The following SNRPN variants were observed in gnomAD, a reference collection of about 807,000 sequenced individuals.
The protein encoded by SNRPN is small nuclear ribonucleoprotein-associated protein N.
A neutral mutation model predicts 25.2 loss-of-function variants in SNRPN; 7 were observed. That is an observed-to-expected ratio of 0.28 (90% confidence interval 0.16 to 0.52). The LOEUF (loss-of-function observed/expected upper bound fraction) is 0.52, where lower values mean the gene tolerates loss of function less well. SNRPN is among the 20% of genes least tolerant of loss of function. SNRPN has a pLI of 0.96. For synonymous variants in SNRPN, 124 were observed against 110.6 expected, an observed-to-expected ratio of 1.12 and a Z score of -0.76; for missense variants, 196 against 322.5, an observed-to-expected ratio of 0.61 and a Z score of 3.00.
intron 3 of SNRPN, among the ~76,000 whole-genome samples, chr15:24,928,441 C>T (rs1375468516): frequency 1.3e-5 from 2 of 152,082 alleles, no homozygotes; most frequent in East Asian, 3.9e-4. Flanking sequence ...ATGGATGGAA[C>T]TGGAGGACAT....
At chr15:24,843,080 TG>T (rs1219639243) in intron 2 of SNRPN, among the ~76,000 whole-genome samples, 10 of 152,056 alleles carry the variant, frequency 6.6e-5, no homozygotes, top group Non-Finnish European at 8.8e-5. Flanking sequence ...CAATTGTTTA[TG>T]TTTTTTTTTA....
intron 2 of SNRPN, chr15:24,848,687 G>A (rs796341115): frequency 1.3e-5 from 2 of 152,100 alleles, no homozygotes; most frequent in African/African-American, 4.8e-5. Flanking sequence ...TTATCGTTTT[G>A]TAAATATCGG....
upstream of SNRPN, among the ~76,000 whole-genome samples, chr15:24,954,551 G>T (rs181918002): frequency 1.3e-5 from 2 of 152,290 alleles, no homozygotes; most frequent in Admixed American, 1.3e-4. Context: ...TCTTTTGGAA[G>T]GATTTCAAGT....
intron 1 of SNRPN, among the ~76,000 whole-genome samples, chr15:24,866,015 A>G (rs556724796): frequency 6.6e-6 from 1 of 152,192 alleles, no homozygotes; most frequent in East Asian, 1.9e-4. Context: ...TCCTGTTTTA[A>G]CGGTTTCTGC....
At chr15:24,941,877 T>A (rs1180056352) in intron 3 of SNRPN, among the ~76,000 whole-genome samples, 1 of 152,060 alleles carries the variant, frequency 6.6e-6, no homozygotes, top group Non-Finnish European at 1.5e-5. Context: ...TGCCCGGGGT[T>A]CAAACAATTC....
intron 2 of SNRPN, among the ~76,000 whole-genome samples, chr15:24,840,609 A>T (rs2143003129): frequency 6.6e-6 from 1 of 152,286 alleles, no homozygotes; most frequent in South Asian, 2.1e-4. Context: ...GTGTGGCTTT[A>T]TTGGTTACCT....
Position 24,912,854 on chromosome 15 carries a change from T to C in SNRPN, c.-504-7157T>C, listed in dbSNP as rs540565839. 3.9e-5 allele frequency among the ~76,000 whole-genome samples: 6 copies of C among 152,310 alleles called. No homozygotes were observed. In the South Asian group the frequency reaches 8.3e-4, roughly 21 times the overall value. On this transcript the variant is annotated intron_variant, in intron 2 of 11. Transcript: ENST00000400097. ...GACAGCAGCCCCGTTTAGACCTCCT[T>C]CTGCTGCTTTGATCTTGGACCTCTC...
chr15:24,958,507 T>G (rs1369282208), intron 1 of SNRPN, among the ~76,000 whole-genome samples: 1 of 139,108 alleles, frequency 7.2e-6, no homozygotes, highest in African/African-American at 2.7e-5. Flanking sequence ...TTTTTTTTTT[T>G]TTTTTTTTTT....
At chr15:24,861,959 T>C (rs1305424031) in intron 1 of SNRPN, among the ~76,000 whole-genome samples, 1 of 151,488 alleles carries the variant, frequency 6.6e-6, no homozygotes, top group African/African-American at 2.5e-5. Flanking sequence ...GGAAGACTGA[T>C]GGCAATAAAA....
chr15:24,896,293 G>T (rs939822043), intron 2 of SNRPN, among the ~76,000 whole-genome samples: 2 of 152,112 alleles, frequency 1.3e-5, no homozygotes, highest in African/African-American at 2.4e-5. Flanking sequence ...CCTTTCCTTG[G>T]GTGTGGGAAG....
At chr15:24,969,440 T>C (rs150374326) in intron 3 of SNRPN, among the ~76,000 whole-genome samples, 102 of 152,340 alleles carry the variant, frequency 6.7e-4, no homozygotes, top group African/African-American at 2.3e-3. Flanking sequence ...ATTTTGAGTT[T>C]AAATCAAAGG....
At chr15:24,857,030 C>G (rs2053466911) in intron 1 of SNRPN, among the ~76,000 whole-genome samples, 1 of 152,128 alleles carries the variant, frequency 6.6e-6, no homozygotes, top group African/African-American at 2.4e-5. Flanking sequence ...TGAAACATCT[C>G]TGGTTGAAAA....
chr15:24,933,624 A>T (rs1027815941), intron 3 of SNRPN, among the ~76,000 whole-genome samples: 1 of 152,288 alleles, frequency 6.6e-6, no homozygotes, highest in African/African-American at 2.4e-5. Flanking sequence ...CTAAAAATAG[A>T]GGAGAATTTG....
Position 24,871,850 on chromosome 15 carries a change from G to A in SNRPN, c.-578-14666G>A, listed in dbSNP as rs190381019. On this transcript the variant is annotated intron_variant, in intron 1 of 11. Coordinates refer to the SNRPN transcript ENST00000400097. Reference sequence around the variant, plus strand: ...CTCCCAAGCAGCTGGGACTACAGGCGCCCACCACCACGCCTGGCTAATTTT... The same window carrying A: ...CTCCCAAGCAGCTGGGACTACAGGCACCCACCACCACGCCTGGCTAATTTT... 3.0e-4 allele frequency among the ~76,000 whole-genome samples: 36 copies of A among 121,180 alleles called. 7 individuals are homozygous for A. The highest frequency in any genetic ancestry group is 1.0e-3 in the Admixed American group (11 of 10,844). 79.5% of individuals were successfully genotyped at this position (121,180 alleles called of 152,430 possible).
At chr15:24,974,915 C>A (rs1025988601) in intron 4 of SNRPN, 8 of 702,598 alleles carry the variant, frequency 1.1e-5, no homozygotes, top group Non-Finnish European at 1.8e-5. Flanking sequence ...GGTCATGATT[C>A]CACCAGTGGT....
intron 2 of SNRPN, among the ~76,000 whole-genome samples, chr15:24,847,753 A>C (rs2052336277): frequency 6.6e-6 from 1 of 152,202 alleles, no homozygotes; most frequent in Non-Finnish European, 1.5e-5. Flanking sequence ...CATTTAACGC[A>C]AGGGTTAAAT....
intron 1 of SNRPN, among the ~76,000 whole-genome samples, chr15:24,878,557 A>T (rs1373865636): frequency 2.0e-5 from 3 of 151,890 alleles, no homozygotes; most frequent in Non-Finnish European, 4.4e-5. Flanking sequence ...CCTGCGTTTT[A>T]CTCGTAAAAA....
chr15:24,902,477 C>T (rs2058525390), intron 2 of SNRPN, among the ~76,000 whole-genome samples: 1 of 152,138 alleles, frequency 6.6e-6, no homozygotes, highest in South Asian at 2.1e-4. Context: ...TGAACTATTT[C>T]AGGAACTGTG....
chr15:24,885,694 T>A (rs1364972165), intron 1 of SNRPN, among the ~76,000 whole-genome samples: 2 of 149,168 alleles, frequency 1.3e-5, no homozygotes, highest in Non-Finnish European at 2.9e-5. Context: ...GAACGAAGGA[T>A]TTTCCAGGAA....
Sources: gnomAD v4.1 joint callset for allele counts (sites outside exome capture counted in the v4.1 genomes callset) on GRCh38, gnomAD v4.1.1 for gene constraint, MANE v1.5 for transcripts, NCBI Gene and HGNC (gene_info 2026-07-23, HGNC 2026-07-21) for gene names.